CUL5: variants seen among roughly 807,000 people sequenced by gnomAD.
CUL5 encodes cullin 5.
A neutral mutation model predicts 108.8 loss-of-function variants in CUL5; 26 were observed. That is an observed-to-expected ratio of 0.24 (90% CI 0.18 to 0.33). The LOEUF is 0.33. Ranked by LOEUF, CUL5 falls within the 10% of genes least tolerant of loss-of-function variation. The pLI, the probability that CUL5 is intolerant of heterozygous loss-of-function variation, is 1.00. For synonymous variants in CUL5, 334 were observed against 298.0 expected (o/e 1.12, Z -1.25); for missense variants, 524 against 909.2 (o/e 0.58, Z 5.45).
At chr11:108,066,849 T>A (rs1230087649) in intron 7 of CUL5, among the ~76,000 whole-genome samples, 1 of 152,244 alleles carries the variant, frequency 6.6e-6, no homozygotes, top group East Asian at 1.9e-4. Context: ...TTCATACACA[T>A]CTGTACATAT....
At chr11:108,018,986 G>A (rs532873672) in intron 1 of CUL5, among the ~76,000 whole-genome samples, 1 of 152,098 alleles carries the variant, frequency 6.6e-6, no homozygotes, top group South Asian at 2.1e-4. Context: ...GAAAAAAATT[G>A]CGTCTGTATT....
At chr11:108,070,811 C>A (rs1210357027) in intron 8 of CUL5, among the ~76,000 whole-genome samples, 1 of 152,116 alleles carries the variant, frequency 6.6e-6, no homozygotes, top group Non-Finnish European at 1.5e-5. Context: ...TATCTAACTG[C>A]AAGGTCCTGT....
intron 4 of CUL5, among the ~76,000 whole-genome samples, chr11:108,051,208 G>GGA (rs1237054913): frequency 6.6e-6 from 1 of 151,422 alleles, no homozygotes; most frequent in Non-Finnish European, 1.5e-5. Flanking sequence ...TTGTGCCAAG[G>GGA]GAAAAAAAAA....
chr11:108,084,389 A>G (rs1864174288), intron 11 of CUL5, among the ~76,000 whole-genome samples: 1 of 152,218 alleles, frequency 6.6e-6, no homozygotes, highest in Non-Finnish European at 1.5e-5. Context: ...GGCCTAGGCT[A>G]AGCAATACTG....
Position 108,097,761 on chromosome 11 carries a change from T to C in CUL5, c.2024+7T>C. 2 of 1,447,618 alleles carry C rather than the reference T, an allele frequency of 1.4e-6. No homozygotes were observed. The highest frequency in any genetic ancestry group is 9.6e-7 in the Non-Finnish European group (1 of 1,040,836). The allele number at this position is 1,447,618 out of a possible 1,614,324, so 89.7% of individuals were successfully genotyped here. ...ACCAGGAGTTCAGTTTAATGTAAGC[T>C]CGTTAGTTGATCTAAAATAAAAACA... On this transcript the variant is annotated splice_region_variant and intron_variant, in intron 17 of 18. Coordinates refer to ENST00000393094, the MANE Select transcript of CUL5 (RefSeq NM_003478.6).
chr11:108,088,401 C>G, intron 11 of CUL5, 126 bp from the exon 12 acceptor site: 1 of 1,042,310 alleles, frequency 9.6e-7, no homozygotes, highest in Non-Finnish European at 1.4e-6. Flanking sequence ...CTTGCTTATC[C>G]TAGTTCCAAA....
chr11:108,035,623 C>A (rs1247608846), intron 2 of CUL5, among the ~76,000 whole-genome samples: 2 of 151,730 alleles, frequency 1.3e-5, no homozygotes, highest in African/African-American at 4.8e-5. Context: ...TGCCTGTAGT[C>A]CCATCTAATT....
intron 1 of CUL5, among the ~76,000 whole-genome samples, chr11:108,015,926 T>C (rs1862176207): frequency 6.6e-6 from 1 of 152,090 alleles, no homozygotes; most frequent in Non-Finnish European, 1.5e-5. Flanking sequence ...GTTTTGTTTT[T>C]GTTTTTGTTT....
chr11:108,050,332 G>C (rs1863180996), intron 4 of CUL5, among the ~76,000 whole-genome samples: 1 of 149,724 alleles, frequency 6.7e-6, no homozygotes, highest in Non-Finnish European at 1.5e-5. Context: ...TCCTTCTCCT[G>C]GTATTCAGTA....
chr11:108,058,992 A>G (rs1374129382), intron 7 of CUL5, among the ~76,000 whole-genome samples: 2 of 152,148 alleles, frequency 1.3e-5, no homozygotes, highest in African/African-American at 2.4e-5. Flanking sequence ...AAGAAAAAAA[A>G]TTAAGCCAAA....
intron 7 of CUL5, among the ~76,000 whole-genome samples, chr11:108,069,264 C>CT (rs991578959): frequency 2.0e-5 from 3 of 152,146 alleles, no homozygotes; most frequent in Non-Finnish European, 2.9e-5. Context: ...GAGCAAGACT[C>CT]TGTCTCTTAA....
At chr11:108,043,904 TC>T (rs911699547) in intron 2 of CUL5, among the ~76,000 whole-genome samples, 44 of 152,122 alleles carry the variant, frequency 2.9e-4, no homozygotes, top group Admixed American at 2.0e-3. Flanking sequence ...ATGCCTGTAA[TC>T]CCAGCTACTT....
chr11:108,068,017 C>G (rs780089776), intron 7 of CUL5, among the ~76,000 whole-genome samples: 2 of 152,090 alleles, frequency 1.3e-5, no homozygotes, highest in Non-Finnish European at 2.9e-5. Flanking sequence ...CAATCTCTGC[C>G]TCCCAGGTTT....
chr11:108,084,992 C>T (rs1184424440), intron 11 of CUL5: 2 of 152,278 alleles, frequency 1.3e-5, no homozygotes, highest in African/African-American at 4.8e-5. Context: ...TCCACTCCCA[C>T]TGCTTCACTT....
chr11:108,074,673 G>A (rs768470549), intron 10 of CUL5, among the ~76,000 whole-genome samples: 1 of 152,164 alleles, frequency 6.6e-6, no homozygotes, highest in East Asian at 2.0e-4. Context: ...GGACGTGGTG[G>A]TACATGCGTG....
At chr11:108,043,112 G>T (rs370283266) in intron 2 of CUL5, among the ~76,000 whole-genome samples, 4 of 152,086 alleles carry the variant, frequency 2.6e-5, no homozygotes, top group Non-Finnish European at 5.9e-5. Flanking sequence ...TTACTCTGTC[G>T]CTCAGGCTGG....
Position 108,073,399 on chromosome 11 carries a change from A to C in CUL5, c.1015A>C (p.Lys339Gln). 6.5e-7 allele frequency: 1 copy of C among 1,529,544 alleles called. No individual in the cohort carries two copies. Among genetic ancestry groups the C allele is most frequent in the Non-Finnish European group, 8.9e-7 (1 of 1,120,720 alleles). 94.7% of individuals were successfully genotyped at this position (1,529,544 alleles called of 1,614,324 possible). The stretch of plus-strand genomic sequence containing the variant: ...AACCTTTTGTTTCTAGGACTCTGAG[A>C]AATACGTTGAGCAGTTACTTACACT... ...AAETITTDSE[K>Q]YVEQLLTLFN... Residue 339 changes from lysine to glutamine, a missense_variant, in exon 10 of 19, where the codon AAA becomes CAA. Around this residue, in one of 8 missense-constraint regions of CUL5, gnomAD observed 27 missense variants for 21.3 expected, o/e 1.27. Transcript: ENST00000393094.
chr11:108,088,670 T>A lies in CUL5; in HGVS notation c.1311+11T>A. ...AAGCTTAAAGAAGTGGTACATGAATTTTTTGTATTTCAACTTTTAAAATTA... is the reference window on the plus strand; with the variant it reads ...AAGCTTAAAGAAGTGGTACATGAATATTTTGTATTTCAACTTTTAAAATTA... On this transcript the variant is annotated intron_variant, in intron 12 of 18. Coordinates refer to ENST00000393094, the MANE Select transcript of CUL5 (RefSeq NM_003478.6). The A allele has an allele frequency of 1.9e-6, 3 of 1,567,620 alleles. No individual in the cohort carries two copies. Among genetic ancestry groups the A allele is most frequent in the Non-Finnish European group, 2.6e-6 (3 of 1,162,484 alleles).
chr11:108,022,349 GT>G (rs1434047236), intron 1 of CUL5, among the ~76,000 whole-genome samples: 1 of 151,848 alleles, frequency 6.6e-6, no homozygotes, highest in Non-Finnish European at 1.5e-5. Flanking sequence ...TTCTATTTTT[GT>G]TTACATTCTT....
Sources: gnomAD v4.1 joint callset for allele counts (sites outside exome capture counted in the v4.1 genomes callset) on GRCh38, gnomAD v4.1.1 for gene constraint, gnomAD v4.1.1 regional missense constraint, MANE v1.5 for transcripts, NCBI Gene and HGNC (gene_info 2026-07-23, HGNC 2026-07-21) for gene names.